WDR49: variants seen among roughly 807,000 people sequenced by gnomAD.
WDR49 encodes cilia- and flagella-associated protein 337.
In WDR49, 107 loss-of-function variants were observed where a neutral mutation model predicts 119.5. That is an observed-to-expected ratio of 0.90 (90% CI 0.77 to 1.05). The LOEUF (loss-of-function observed/expected upper bound fraction) is 1.05, where lower values mean the gene tolerates loss of function less well. Ranked by LOEUF, WDR49 falls within the 50% of genes least tolerant of loss-of-function variation. The probability of loss-of-function intolerance (pLI) is 0.00; values close to 1 mark genes in which losing one functional copy is unlikely to be tolerated. For missense variants in WDR49, 1,240 were observed against 1,220.5 expected, an observed-to-expected ratio of 1.02 and a Z score of -0.24; for synonymous variants, 425 against 418.8, an observed-to-expected ratio of 1.01 and a Z score of -0.18.
chr3:167,483,337 G>A (rs1185328728), intron 18 of WDR49, among the ~76,000 whole-genome samples: 2 of 152,126 alleles, frequency 1.3e-5, no homozygotes, highest in Admixed American at 6.5e-5. Flanking sequence ...TGTTACTTCC[G>A]AAATTCTGTT....
chr3:167,591,407 T>C (rs1046853456), intron 7 of WDR49, among the ~76,000 whole-genome samples: 1 of 152,120 alleles, frequency 6.6e-6, no homozygotes, highest in African/African-American at 2.4e-5. Flanking sequence ...GTTCTATAAA[T>C]ATCTATTAGG....
chr3:167,485,186 T>C (rs1750874049), intron 18 of WDR49, among the ~76,000 whole-genome samples: 1 of 151,278 alleles, frequency 6.6e-6, no homozygotes, highest in African/African-American at 2.4e-5. Flanking sequence ...CACACCAGGG[T>C]CTATTGGGTG....
Position 167,620,425 on chromosome 3 carries a change from A to G in WDR49, c.958+4T>C. The G allele has an allele frequency of 6.5e-7, 1 of 1,534,472 alleles. No homozygotes were observed. The highest frequency in any genetic ancestry group is 1.4e-5 in the African/African-American group (1 of 73,086). ...TTACTTTCATTACTGTTCAAATTCAATACCTTGCCTGACCCAATCTCCTTG... is the reference window on the plus strand; with the variant it reads ...TTACTTTCATTACTGTTCAAATTCAGTACCTTGCCTGACCCAATCTCCTTG... On this transcript the variant is annotated splice_donor_region_variant and intron_variant, in intron 5 of 18. Transcript: ENST00000682715.
At chr3:167,549,635 C>T (rs1189681055) in intron 10 of WDR49, among the ~76,000 whole-genome samples, 2 of 152,108 alleles carry the variant, frequency 1.3e-5, no homozygotes, top group East Asian at 1.9e-4. Flanking sequence ...TTCTCCCATT[C>T]TGTAGGTTGC....
At chr3:167,650,047 G>A (rs1718298142) in intron 2 of WDR49, among the ~76,000 whole-genome samples, 1 of 152,040 alleles carries the variant, frequency 6.6e-6, no homozygotes, top group South Asian at 2.1e-4. Flanking sequence ...AACCATCATT[G>A]ACATACAGAG....
At chr3:167,510,176 A>G (rs1751912874) in intron 16 of WDR49, among the ~76,000 whole-genome samples, 1 of 152,196 alleles carries the variant, frequency 6.6e-6, no homozygotes, top group South Asian at 2.1e-4. Context: ...CGAGGTCAGG[A>G]GTTCAAGACC....
At chr3:167,641,353 T>C (rs916236055) in intron 2 of WDR49, among the ~76,000 whole-genome samples, 2 of 151,920 alleles carry the variant, frequency 1.3e-5, no homozygotes, top group Non-Finnish European at 2.9e-5. Flanking sequence ...CTTCTCAGTA[T>C]CTCTTGTAAG....
chr3:167,528,992 AC>A, intron 14 of WDR49, 59 bp downstream of exon 14: 1 of 1,373,152 alleles, frequency 7.3e-7, no homozygotes, highest in Non-Finnish European at 9.7e-7. Context: ...ATTCATAGTT[AC>A]CTGCAACAAA....
At chr3:167,625,493 T>G (rs1302974355) in intron 3 of WDR49, among the ~76,000 whole-genome samples, 1 of 152,080 alleles carries the variant, frequency 6.6e-6, no homozygotes, top group African/African-American at 2.4e-5. Flanking sequence ...AAATTAGGCA[T>G]GTATTCTGCC....
At chr3:167,567,993 G>C (rs1443424232) in intron 8 of WDR49, among the ~76,000 whole-genome samples, 4 of 152,188 alleles carry the variant, frequency 2.6e-5, no homozygotes, top group Non-Finnish European at 5.9e-5. Flanking sequence ...GACAAGTGCT[G>C]TCCTGATCAT....
At chr3:167,529,834 T>C (rs1560270545) in intron 13 of WDR49, among the ~76,000 whole-genome samples, 1 of 152,120 alleles carries the variant, frequency 6.6e-6, no homozygotes, top group African/African-American at 2.4e-5. Flanking sequence ...TCATTTTCCA[T>C]TTTTATAGGT....
At chr3:167,491,349 C>G (rs1303929748) in intron 18 of WDR49, among the ~76,000 whole-genome samples, 1 of 152,102 alleles carries the variant, frequency 6.6e-6, no homozygotes, top group Non-Finnish European at 1.5e-5. Context: ...AGAAATCTCT[C>G]TACATTTTCA....
At chr3:167,529,283 A>C in intron 13 of WDR49, 44 bp from the exon 14 acceptor site, 3 of 1,486,852 alleles carry the variant, frequency 2.0e-6, no homozygotes, top group Non-Finnish European at 2.7e-6. Flanking sequence ...TGAACAACAA[A>C]TGCCAGAAAT....
intron 17 of WDR49, among the ~76,000 whole-genome samples, chr3:167,504,949 C>T (rs1429682380): frequency 6.6e-6 from 1 of 152,166 alleles, no homozygotes; most frequent in African/African-American, 2.4e-5. Flanking sequence ...CTTCACCTTC[C>T]ACCAAGCAGA....
upstream of WDR49, among the ~76,000 whole-genome samples, chr3:167,657,341 CA>C (rs377471319): frequency 1.1e-3 from 171 of 151,982 alleles, 2 homozygotes; most frequent in South Asian, 0.034. Flanking sequence ...AGAAATGGTC[CA>C]AAAAAGCTTC....
At chr3:167,503,265 G>A (rs1334332489) in intron 17 of WDR49, among the ~76,000 whole-genome samples, 1 of 152,248 alleles carries the variant, frequency 6.6e-6, no homozygotes, top group African/African-American at 2.4e-5. Flanking sequence ...GAGAAATCCT[G>A]GGTGCCCAGC....
chr3:167,618,738 C>T (rs1433511489), intron 5 of WDR49, among the ~76,000 whole-genome samples: 1 of 152,118 alleles, frequency 6.6e-6, no homozygotes, highest in Non-Finnish European at 1.5e-5. Flanking sequence ...ACATGAATCT[C>T]CACTGCTAAT....
intron 8 of WDR49, among the ~76,000 whole-genome samples, chr3:167,566,542 T>C (rs574801443): frequency 1.3e-5 from 2 of 152,250 alleles, no homozygotes; most frequent in African/African-American, 4.8e-5. Context: ...AATATTGAGT[T>C]ATTAAATATT....
intron 15 of WDR49, among the ~76,000 whole-genome samples, chr3:167,522,834 C>T (rs1752502254): frequency 6.6e-6 from 1 of 152,114 alleles, no homozygotes; most frequent in Non-Finnish European, 1.5e-5. Flanking sequence ...TAAAGAATTG[C>T]CACACTTATT....
Sources: gnomAD v4.1 joint callset for allele counts (sites outside exome capture counted in the v4.1 genomes callset) on GRCh38, gnomAD v4.1.1 for gene constraint, MANE v1.5 for transcripts, NCBI Gene and HGNC (gene_info 2026-07-23, HGNC 2026-07-21) for gene names.